SMIM35: variants seen among roughly 807,000 people sequenced by gnomAD.
SMIM35 encodes the protein small integral membrane protein 35, also known as TMPRSS4 antisense RNA 1 (non-protein coding).
chr11:118,067,449 C>A (rs1204593467), intron 1 of SMIM35: 1 of 152,050 alleles, frequency 6.6e-6, no homozygotes, highest in Non-Finnish European at 1.5e-5. Context: ...AAATGGAGCA[C>A]CTCAAAACTC....
chr11:118,037,004 A>G (rs192466812), intron 1 of SMIM35, among the ~76,000 whole-genome samples: 101 of 152,234 alleles, frequency 6.6e-4, no homozygotes, highest in Non-Finnish European at 1.0e-3. Flanking sequence ...GGTGTGAGCT[A>G]AGTTGCAAGC....
At chr11:118,058,337 A>G (rs1213450211) in intron 1 of SMIM35, among the ~76,000 whole-genome samples, 1 of 151,850 alleles carries the variant, frequency 6.6e-6, no homozygotes, top group African/African-American at 2.4e-5. Flanking sequence ...CTCTCCTCCT[A>G]TCCCAGTCTC....
chr11:118,084,351 G>A (rs1044652277), intron 1 of SMIM35, among the ~76,000 whole-genome samples: 1 of 152,242 alleles, frequency 6.6e-6, no homozygotes, highest in Non-Finnish European at 1.5e-5. Flanking sequence ...CACTCGACGA[G>A]TTATGTGAGT....
rs145379914 is a variant in SMIM35, at chr11:118,062,531, G to T, written c.7+24220C>A. 4.3e-4 allele frequency among the ~76,000 whole-genome samples: 65 copies of T among 152,270 alleles called. No individual in the cohort carries two copies. In the East Asian group the frequency reaches 0.011, roughly 27 times the overall value. ...AAAGACCAGCTGGGAGTCAACAATG[G>T]AGACAGGTGGTTCACTTGGGCTCTG... On this transcript the variant is annotated intron_variant, in intron 1 of 4. Coordinates refer to ENST00000689828, the MANE Select transcript of SMIM35 (RefSeq NM_001394165.1).
At chr11:118,035,800 G>A (rs1213292759) in intron 1 of SMIM35, among the ~76,000 whole-genome samples, 6 of 152,218 alleles carry the variant, frequency 3.9e-5, no homozygotes, top group South Asian at 2.1e-4. Context: ...GTGTGCAGCC[G>A]TGGGGTGGTC....
chr11:118,038,708 A>T (rs1434363900), intron 1 of SMIM35, among the ~76,000 whole-genome samples: 3 of 152,176 alleles, frequency 2.0e-5, no homozygotes, highest in Non-Finnish European at 4.4e-5. Flanking sequence ...AACAAAAAAA[A>T]AAACAGGGGA....
At chr11:118,009,424 C>T (rs11216674) in intron 4 of SMIM35, among the ~76,000 whole-genome samples, 17,063 of 152,148 alleles carry the variant, frequency 0.11, 1,346 homozygotes, top group East Asian at 0.37. Context: ...GATGAAGACG[C>T]GCATCATAAG....
chr11:118,073,064 C>G (rs889892301), intron 1 of SMIM35, among the ~76,000 whole-genome samples: 1 of 152,162 alleles, frequency 6.6e-6, no homozygotes, highest in Admixed American at 6.5e-5. Context: ...ATTACAGGCA[C>G]CCTCCACCAC....
At chr11:118,027,152 C>T (rs2058281538) in intron 1 of SMIM35, among the ~76,000 whole-genome samples, 1 of 144,404 alleles carries the variant, frequency 6.9e-6, no homozygotes. Context: ...CTCAGCCTCC[C>T]GAGTAGCTGG....
chr11:118,013,381 A>G (rs2058160095), intron 4 of SMIM35, among the ~76,000 whole-genome samples: 1 of 152,268 alleles, frequency 6.6e-6, no homozygotes, highest in African/African-American at 2.4e-5. Flanking sequence ...CAGAAAGCTC[A>G]GAACTGAAGT....
At chr11:118,049,334 C>T (rs1297555578) in intron 1 of SMIM35, among the ~76,000 whole-genome samples, 1 of 148,810 alleles carries the variant, frequency 6.7e-6, no homozygotes, top group African/African-American at 2.5e-5. Flanking sequence ...TTTGTTCCAC[C>T]CTTAATTTTT....
chr11:118,030,051 T>C (rs1029460354), intron 1 of SMIM35, among the ~76,000 whole-genome samples: 2 of 152,126 alleles, frequency 1.3e-5, no homozygotes, highest in Admixed American at 1.3e-4. Context: ...TTTTTTTTTT[T>C]TGAGACAATG....
At chr11:118,086,057 G>A (rs557890209) in intron 1 of SMIM35, among the ~76,000 whole-genome samples, 7 of 152,348 alleles carry the variant, frequency 4.6e-5, no homozygotes, top group African/African-American at 1.7e-4. Context: ...TCTGTCTTCA[G>A]TTTAATTTAG....
intron 1 of SMIM35, among the ~76,000 whole-genome samples, chr11:118,037,118 C>T (rs1591290174): frequency 6.6e-6 from 1 of 152,278 alleles, no homozygotes; most frequent in South Asian, 2.1e-4. Flanking sequence ...CCCCTCTCAA[C>T]AGGAAAACCC....
At chr11:118,078,775 C>G (rs556809896) in intron 1 of SMIM35, among the ~76,000 whole-genome samples, 132 of 152,258 alleles carry the variant, frequency 8.7e-4, no homozygotes, top group Non-Finnish European at 1.4e-3. Context: ...GAGGCCAGCT[C>G]CCTGATTAGC....
chr11:118,033,347 G>A (rs1300196274), intron 1 of SMIM35, among the ~76,000 whole-genome samples: 2 of 151,572 alleles, frequency 1.3e-5, no homozygotes, highest in African/African-American at 4.8e-5. Flanking sequence ...TTACCCTGTG[G>A]AATACTTTTT....
intron 1 of SMIM35, chr11:118,077,269 G>C (rs752724611): frequency 6.3e-7 from 1 of 1,597,018 alleles, no homozygotes; most frequent in Non-Finnish European, 8.5e-7. Flanking sequence ...TCAGCTCCAG[G>C]CTACAGGGAG....
intron 4 of SMIM35, among the ~76,000 whole-genome samples, chr11:118,007,249 T>C (rs2058126671): frequency 6.6e-6 from 1 of 152,224 alleles, no homozygotes; most frequent in Non-Finnish European, 1.5e-5. Context: ...CCGAGTTACC[T>C]GAGCTCTGAA....
intron 1 of SMIM35, among the ~76,000 whole-genome samples, chr11:118,080,656 A>G (rs1176752556): frequency 1.3e-5 from 2 of 152,184 alleles, no homozygotes; most frequent in Admixed American, 1.3e-4. Context: ...TGAGGAGCTG[A>G]ATGTAAGAAA....
Sources: allele counts gnomAD v4.1 joint callset (sites outside exome capture counted in the v4.1 genomes callset), GRCh38; gene constraint gnomAD v4.1.1; transcripts MANE v1.5; gene names NCBI Gene and HGNC (gene_info 2026-07-23, HGNC 2026-07-21).